The following ABCB4 variants were observed in gnomAD, a reference collection of about 807,000 sequenced individuals.
ABCB4 encodes the protein ATP binding cassette subfamily B member 4.
Under a neutral mutation model 145.7 loss-of-function variants are expected in ABCB4, and 76 were observed. That is an observed-to-expected ratio of 0.52 (90% CI 0.43 to 0.63). The LOEUF (loss-of-function observed/expected upper bound fraction) is 0.63, where lower values mean the gene tolerates loss of function less well. Ranked by LOEUF, ABCB4 falls within the 30% of genes least tolerant of loss-of-function variation. The pLI, the probability that ABCB4 is intolerant of heterozygous loss-of-function variation, is 0.00. For missense variants in ABCB4, 1,234 were observed against 1,553.1 expected (o/e 0.79, Z 3.45); for synonymous variants, 517 against 566.8 (o/e 0.91, Z 1.25).
chr7:87,436,518 G>GA (rs1248596524), intron 14 of ABCB4, among the ~76,000 whole-genome samples: 1 of 151,896 alleles, frequency 6.6e-6, no homozygotes, highest in Non-Finnish European at 1.5e-5. Context: ...AAAAGAGACT[G>GA]AAAAAAATAC....
At chr7:87,388,480 C>G in the ABCB4 span, among the ~76,000 whole-genome samples, 7 of 152,144 alleles carry the variant, frequency 4.6e-5, no homozygotes, top group Non-Finnish European at 8.8e-5. Context: ...CACACATCTA[C>G]AACCATCTGA....
At chr7:87,410,991 G>A (rs1294204847) in intron 23 of ABCB4, among the ~76,000 whole-genome samples, 4 of 151,938 alleles carry the variant, frequency 2.6e-5, no homozygotes, top group Admixed American at 1.3e-4. Context: ...GTATTGCTGG[G>A]GTGTTAACTT....
chr7:87,400,394 A>T (rs45501291), downstream of ABCB4, among the ~76,000 whole-genome samples: 1 of 152,178 alleles, frequency 6.6e-6, no homozygotes, highest in Non-Finnish European at 1.5e-5. Context: ...TCTGAATTTG[A>T]TAAGACTGGT....
chr7:87,416,937 T>C lies in ABCB4; in HGVS notation c.2682+375A>G, dbSNP rs148832139. Among the ~76,000 whole-genome samples the C allele has an allele frequency of 5.1e-4, 78 of 152,350 alleles. No individual in the cohort carries two copies. The East Asian group carries it at 0.015, about 29-fold the overall frequency. ...CACAGCCAAAAAGAAGAGGATCTCT[T>C]AAATGCCAGCACATGTCCGACCCTG... On this transcript the variant is annotated intron_variant, in intron 21 of 27. Transcript: ENST00000649586.
intron 3 of ABCB4, among the ~76,000 whole-genome samples, chr7:87,463,297 T>G (rs1812592279): frequency 6.6e-6 from 1 of 151,218 alleles, no homozygotes. Flanking sequence ...AAAAAAGCAT[T>G]CAGAATATTT....
intron 14 of ABCB4, among the ~76,000 whole-genome samples, chr7:87,438,039 G>T (rs1365291420): frequency 6.6e-6 from 1 of 152,116 alleles, no homozygotes; most frequent in East Asian, 1.9e-4. Flanking sequence ...ATACATACTG[G>T]TCATCTCCAA....
chr7:87,451,518 G>A, intron 7 of ABCB4, 105 bp downstream of exon 7: 2 of 1,232,884 alleles, frequency 1.6e-6, no homozygotes, highest in South Asian at 2.5e-5. Context: ...AGTTTCAACT[G>A]ACATTTAATG....
chr7:87,431,338 T>C (rs971836388), intron 15 of ABCB4, 66 bp downstream of exon 15: 4 of 1,599,568 alleles, frequency 2.5e-6, no homozygotes, highest in Non-Finnish European at 3.4e-6. Context: ...CTGGATCATA[T>C]TTTAATATTT....
In ABCB4 at chr7:87,402,159, C is replaced by A. The variant is rs750933441; in HGVS notation, c.3777G>T (p.Leu1259=). 1.1e-5 allele frequency: 17 copies of A among 1,614,080 alleles called. No individual in the cohort carries two copies. Among genetic ancestry groups the A allele is most frequent in the African/African-American group, 1.3e-5 (1 of 75,040 alleles). The part of the protein sequence containing the change: ...RVKEHGTHQQ[L]LAQKGIYFSM... The stretch of plus-strand genomic sequence containing the variant: ...AAAAATAGATGCCTTTCTGTGCCAG[C>A]AGCTGCTGATGCGTGCCATGCTCCT... The change falls in exon 28 of 28, where the codon CTG becomes CTT. Residue 1259 remains leucine (L), a synonymous_variant. Transcript: ENST00000649586.
chr7:87,403,141 A>G lies in ABCB4; in HGVS notation c.3627T>C (p.Ser1209=). The G allele has an allele frequency of 6.2e-7, 1 of 1,613,980 alleles. No homozygotes were observed. Among genetic ancestry groups the G allele is most frequent in the East Asian group, 2.2e-5 (1 of 44,880 alleles). ...DEATSALDTE[S]EKVVQEALDK... is the part of the protein sequence containing the mutation. ...GTTGGGAGGCCACACACACCTTTTCACTTTCAGTATCCAGAGCTGATGTAG... is the reference window on the plus strand; with the variant it reads ...GTTGGGAGGCCACACACACCTTTTCGCTTTCAGTATCCAGAGCTGATGTAG... The change falls in exon 27 of 28, where the codon AGT becomes AGC. Residue 1209 remains serine, a synonymous_variant. Transcript: ENST00000649586.
intron 12 of ABCB4, 92 bp downstream of exon 12, chr7:87,443,227 T>TTG: frequency 3.9e-6 from 6 of 1,544,254 alleles, no homozygotes; most frequent in Non-Finnish European, 3.6e-6. Flanking sequence ...CAAAACTGGA[T>TTG]TCACACGCAA....
At chr7:87,414,462 T>G (rs1394605286) in intron 21 of ABCB4, among the ~76,000 whole-genome samples, 1 of 152,200 alleles carries the variant, frequency 6.6e-6, no homozygotes, top group Non-Finnish European at 1.5e-5. Context: ...ACTGCCTGTA[T>G]TTCTTGCACT....
intron 3 of ABCB4, among the ~76,000 whole-genome samples, chr7:87,468,917 C>T (rs921845203): frequency 1.8e-4 from 16 of 91,270 alleles, no homozygotes; most frequent in African/African-American, 8.1e-4. Context: ...GGCGAAACAG[C>T]GCAACTCCGT....
downstream of ABCB4, chr7:87,399,594 T>G (rs929186023): frequency 6.6e-6 from 1 of 152,250 alleles, no homozygotes; most frequent in African/African-American, 2.4e-5. Flanking sequence ...TGTGGTGTAT[T>G]ATAATTAGTT....
intron 3 of ABCB4, among the ~76,000 whole-genome samples, chr7:87,467,028 G>C (rs1424414307): frequency 6.6e-6 from 1 of 152,108 alleles, no homozygotes; most frequent in Non-Finnish European, 1.5e-5. Flanking sequence ...CATAATGACA[G>C]GATCAAATCC....
At chr7:87,419,951 G>T in intron 19 of ABCB4, 47 bp downstream of exon 19, 1 of 1,563,106 alleles carries the variant, frequency 6.4e-7, no homozygotes, top group South Asian at 1.1e-5. Flanking sequence ...GCTTAATATG[G>T]AAGAAATGTG....
At chr7:87,402,744 G>A (rs1807885563) in intron 27 of ABCB4, among the ~76,000 whole-genome samples, 1 of 152,194 alleles carries the variant, frequency 6.6e-6, no homozygotes, top group African/African-American at 2.4e-5. Flanking sequence ...GCTCACGCCT[G>A]TAATCCCAGC....
At chr7:87,467,931 C>A (rs553171430) in intron 3 of ABCB4, among the ~76,000 whole-genome samples, 2 of 152,142 alleles carry the variant, frequency 1.3e-5, no homozygotes, top group African/African-American at 2.4e-5. Context: ...TAAATGCCCA[C>A]AAGAGAAAGC....
At chr7:87,411,806 G>A (rs1334830111) in intron 23 of ABCB4, 87 bp downstream of exon 23, 1 of 1,262,434 alleles carries the variant, frequency 7.9e-7, no homozygotes, top group African/African-American at 1.5e-5. Flanking sequence ...TTGGACACAG[G>A]AGTCATTTTT....
Sources: gnomAD v4.1 joint callset for allele counts (sites outside exome capture counted in the v4.1 genomes callset) on GRCh38, gnomAD v4.1.1 for gene constraint, MANE v1.5 for transcripts, NCBI Gene and HGNC (gene_info 2026-07-23, HGNC 2026-07-21) for gene names.